The following PPP2R3B variants were observed in gnomAD, a reference collection of about 807,000 sequenced individuals.
The protein encoded by PPP2R3B is protein phosphatase 2 regulatory subunit B''beta.
PPP2R3B carries 68 observed loss-of-function variants against 72.9 expected under a neutral mutation model. That is an observed-to-expected ratio of 0.93 (90% confidence interval 0.77 to 1.14). The LOEUF (loss-of-function observed/expected upper bound fraction) is 1.14, where lower values mean the gene tolerates loss of function less well. PPP2R3B is among the 50% of genes most tolerant of loss of function. The probability of loss-of-function intolerance (pLI) is 0.00; values close to 1 mark genes in which losing one functional copy is unlikely to be tolerated. For missense variants in PPP2R3B, 1,018 were observed against 842.0 expected, an observed-to-expected ratio of 1.21 and a Z score of -2.59; for synonymous variants, 466 against 375.8, an observed-to-expected ratio of 1.24 and a Z score of -2.78.
chrX:368,622 C>T (rs183047217), intron 1 of PPP2R3B, among the ~76,000 whole-genome samples: 15 of 64,512 alleles, frequency 2.3e-4, no homozygotes, highest in African/African-American at 3.6e-4. Flanking sequence ...ACCACCCACC[C>T]TGGGCACCGA....
intron 12 of PPP2R3B, 28 bp from the exon 13 acceptor site, chrX:334,545 G>A: frequency 6.7e-7 from 1 of 1,503,152 alleles, no homozygotes; most frequent in Non-Finnish European, 8.8e-7. Context: ...CGAAGACGTG[G>A]CCAGCAGCGC....
chrX:338,625 G>A lies in PPP2R3B; in HGVS notation c.1556C>T (p.Ala519Val), dbSNP rs1133520. The A allele has an allele frequency of 0.28, 455,671 of 1,604,254 alleles. 67,106 individuals are homozygous for A. The highest frequency in any genetic ancestry group is 0.31 in the Middle Eastern group (1,533 of 4,888). Reference sequence around the variant, plus strand: ...TCACCCGTCCTCCCAGGGCTCTCCCGCAGTCTCCTCGGCCACCAGGATGTC... The same window carrying A: ...TCACCCGTCCTCCCAGGGCTCTCCCACAGTCTCCTCGGCCACCAGGATGTC... ...EYDILVAEETAGEPWEDGFEA... is the reference protein window; with the variant it reads ...EYDILVAEETVGEPWEDGFEA... The change falls in exon 12 of 13, where the codon GCG becomes GTG. Residue 519 changes from alanine to valine, a missense_variant. Physicochemically the swap from Ala to Val is moderately conservative, Grantham distance 64 (BLOSUM62 0). Transcript: ENST00000390665.
chrX:363,509 C>T (rs1165478206), intron 1 of PPP2R3B, among the ~76,000 whole-genome samples: 5 of 90,220 alleles, frequency 5.5e-5, no homozygotes, highest in African/African-American at 1.0e-4. Flanking sequence ...TGCATCTCCC[C>T]GAGCCCGCGA....
chrX:344,910 G>C (rs187838644), intron 7 of PPP2R3B: 83 of 346,492 alleles, frequency 2.4e-4, no homozygotes, highest in African/African-American at 1.7e-3. Context: ...AACAGTCTTG[G>C]TCATATGGTT....
intron 1 of PPP2R3B, among the ~76,000 whole-genome samples, chrX:373,165 T>C (rs1488151249): frequency 6.6e-6 from 1 of 152,150 alleles, no homozygotes; most frequent in African/African-American, 2.4e-5. Flanking sequence ...AAATTAAAAA[T>C]CTGTCTGCAG....
At chrX:383,155 C>T (rs2072161680) in intron 1 of PPP2R3B, among the ~76,000 whole-genome samples, 1 of 152,138 alleles carries the variant, frequency 6.6e-6, no homozygotes, top group African/African-American at 2.4e-5. Flanking sequence ...ACATTTTCAT[C>T]GACACGTACT....
At chrX:379,069 CTGTGTGTGTGTATGCACCTACG>C (rs1160318534) in intron 1 of PPP2R3B, among the ~76,000 whole-genome samples, 1 of 148,534 alleles carries the variant, frequency 6.7e-6, no homozygotes, top group Non-Finnish European at 1.5e-5. Context: ...GTGTATGCAC[CTGTGTGTGTGTATGCACCTACG>C]TGTGTGTGTA....
At chrX:352,485 C>T (rs150745430) in intron 2 of PPP2R3B, among the ~76,000 whole-genome samples, 3,569 of 106,280 alleles carry the variant, frequency 0.034, 55 homozygotes, top group Middle Eastern at 0.056. Flanking sequence ...TGGCTTCCCT[C>T]GCTCAGCACA....
chrX:341,025 G>T, intron 9 of PPP2R3B, 85 bp from the exon 10 acceptor site: 1 of 1,526,168 alleles, frequency 6.6e-7, no homozygotes, highest in Non-Finnish European at 8.8e-7. Context: ...CCCACCGGGG[G>T]TGCACGCGTC....
intron 1 of PPP2R3B, among the ~76,000 whole-genome samples, chrX:364,839 C>T (rs1193176312): frequency 1.1e-4 from 5 of 45,390 alleles, no homozygotes; most frequent in Non-Finnish European, 1.8e-4. Context: ...GCTGAGATCG[C>T]ACCACTGCAC....
chrX:356,110 G>A (rs1268193893), intron 2 of PPP2R3B, among the ~76,000 whole-genome samples: 4 of 152,244 alleles, frequency 2.6e-5, no homozygotes, highest in South Asian at 2.1e-4. Context: ...GCCTGCACAC[G>A]CACAGAACGG....
At chrX:341,853 G>C in intron 8 of PPP2R3B, 30 bp downstream of exon 8, 1 of 1,611,650 alleles carries the variant, frequency 6.2e-7, no homozygotes, top group Non-Finnish European at 8.5e-7. Flanking sequence ...AGGGGCAATG[G>C]CTGCCGTCAG....
chrX:384,444 G>A (rs1026765552), intron 1 of PPP2R3B, among the ~76,000 whole-genome samples: 1 of 151,608 alleles, frequency 6.6e-6, no homozygotes, highest in African/African-American at 2.4e-5. Context: ...CTTCAGGTGC[G>A]CCACCACGCC....
Position 338,425 on chromosome X carries a change from G to A in PPP2R3B, c.1577+179C>T, listed in dbSNP as rs188074235. The A allele has an allele frequency of 9.0e-6, 6 of 668,818 alleles. No individual in the cohort carries two copies. In the South Asian group the frequency reaches 1.0e-4, roughly 12 times the overall value. The allele number at this position is 668,818 out of a possible 1,614,324, so 41.4% of individuals were successfully genotyped here. On this transcript the variant is annotated intron_variant, in intron 12 of 12. Coordinates refer to ENST00000390665, the MANE Select transcript of PPP2R3B (RefSeq NM_013239.5). ...CCGAGGCCCGGCCCTGTCATCGGCT[G>A]TCCTTACCTCACCGGCCCCGTGTCA...
In PPP2R3B at chrX:345,429, A is replaced by AGGAGAGGCAGCTGC. The variant is rs1244837464; in HGVS notation, c.1036+73_1036+86dup. The AGGAGAGGCAGCTGC allele has an allele frequency of 4.5e-6, 7 of 1,553,476 alleles. No individual in the cohort carries two copies. The African/African-American group carries it at 9.5e-5, about 21-fold the overall frequency. On this transcript the variant is annotated intron_variant, in intron 7 of 12. Coordinates refer to ENST00000390665, the MANE Select transcript of PPP2R3B (RefSeq NM_013239.5). ...GCAGACACAGAGCTGGGAGTGCGGA[A>AGGAGAGGCAGCTGC]GGAGAGGCAGCTGCAGACCCGCAGG...
chrX:357,297 T>C (rs2738328), intron 2 of PPP2R3B, among the ~76,000 whole-genome samples: 40,804 of 151,976 alleles, frequency 0.27, 5,792 homozygotes, highest in East Asian at 0.41. Flanking sequence ...TTTACCAAAA[T>C]GGATCAAATT....
chrX:377,680 C>T (rs2072027562), intron 1 of PPP2R3B, among the ~76,000 whole-genome samples: 1 of 142,280 alleles, frequency 7.0e-6, no homozygotes. Flanking sequence ...CCCAGTGGGG[C>T]CGCCATGGGG....
chrX:350,039 A>T (rs1424846668), intron 2 of PPP2R3B, among the ~76,000 whole-genome samples: 1 of 152,192 alleles, frequency 6.6e-6, no homozygotes, highest in Non-Finnish European at 1.5e-5. Flanking sequence ...CTTACCAGGG[A>T]ACACAAAAGA....
chrX:346,993 A>AGACGCGGGCCCTCCCGTGAGGTGTGCG (rs2071232008), intron 4 of PPP2R3B, among the ~76,000 whole-genome samples: 1 of 142,652 alleles, frequency 7.0e-6, no homozygotes, highest in Non-Finnish European at 1.5e-5. Flanking sequence ...TGAGGTGTGC[A>AGACGCGGGCCCTCCCGTGAGGTGTGCG]GTGTAGACGC....
Sources: allele counts gnomAD v4.1 joint callset (sites outside exome capture counted in the v4.1 genomes callset), GRCh38; gene constraint gnomAD v4.1.1; transcripts MANE v1.5; gene names NCBI Gene and HGNC (gene_info 2026-07-23, HGNC 2026-07-21).